Variants in OLFM3 observed in about 807,000 individuals in gnomAD.
OLFM3 encodes noelin-3.
OLFM3 carries 20 observed loss-of-function variants against 48.6 expected under a neutral mutation model. The ratio of observed to expected loss-of-function variants is 0.41; its 90% CI spans 0.29 to 0.60. The LOEUF (loss-of-function observed/expected upper bound fraction) is 0.60. Ranked by LOEUF, OLFM3 falls within the 20% of genes least tolerant of loss-of-function variation. The probability of loss-of-function intolerance (pLI) is 0.28; values close to 1 mark genes in which losing one functional copy is unlikely to be tolerated. For synonymous variants in OLFM3, 222 were observed against 198.1 expected, an observed-to-expected ratio of 1.12 and a Z score of -1.01; for missense variants, 437 against 544.3, an observed-to-expected ratio of 0.80 and a Z score of 1.96.
intron 1 of OLFM3, among the ~76,000 whole-genome samples, chr1:101,973,288 C>G (rs2101098968): frequency 6.6e-6 from 1 of 152,292 alleles, no homozygotes; most frequent in South Asian, 2.1e-4. Context: ...AGGCCAAAGG[C>G]CTGAGAACCA....
intron 1 of OLFM3, among the ~76,000 whole-genome samples, chr1:101,940,226 G>GA (rs955385012): frequency 6.6e-6 from 1 of 151,688 alleles, no homozygotes; most frequent in Non-Finnish European, 1.5e-5. Context: ...AAAAACTGAT[G>GA]AAAAAAAGTG....
At chr1:101,983,635 A>G (rs1661160234) in intron 1 of OLFM3, among the ~76,000 whole-genome samples, 1 of 152,104 alleles carries the variant, frequency 6.6e-6, no homozygotes. Flanking sequence ...ATAATTTAGA[A>G]CTCTGAGAAT....
chr1:101,813,143 T>G, intron 4 of OLFM3: 1 of 1,267,646 alleles, frequency 7.9e-7, no homozygotes, highest in South Asian at 1.3e-5. Flanking sequence ...CTTTTTTAAA[T>G]CAACTGGAAA....
chr1:101,878,536 G>T lies in OLFM3; in HGVS notation c.70-41511C>A, dbSNP rs188735979. Among the ~76,000 whole-genome samples the T allele has an allele frequency of 2.0e-5, 3 of 151,978 alleles. No homozygotes were observed. The South Asian group carries it at 6.2e-4, about 32-fold the overall frequency. On this transcript the variant is annotated intron_variant, in intron 1 of 5. Coordinates refer to ENST00000370103, the MANE Select transcript of OLFM3 (RefSeq NM_058170.4). ...TACTGATGCCATCTGTAGCACGGAG[G>T]CTCTAACACTGGCTTGAGATTAGTG...
At chr1:101,873,893 T>C (rs1415341554) in intron 1 of OLFM3, among the ~76,000 whole-genome samples, 1 of 151,984 alleles carries the variant, frequency 6.6e-6, no homozygotes, top group Non-Finnish European at 1.5e-5. Flanking sequence ...TTGACTTTTA[T>C]TGTTATTCTC....
chr1:101,912,807 T>C (rs544985014), intron 1 of OLFM3, among the ~76,000 whole-genome samples: 1 of 152,300 alleles, frequency 6.6e-6, no homozygotes, highest in South Asian at 2.1e-4. Context: ...AAAATACCTT[T>C]TGGAAAAATT....
At chr1:101,823,200 A>T (rs1192380856) in intron 4 of OLFM3, among the ~76,000 whole-genome samples, 1 of 152,052 alleles carries the variant, frequency 6.6e-6, no homozygotes, top group Non-Finnish European at 1.5e-5. Context: ...TCGGAAAAAA[A>T]GTCTAGCAAG....
At chr1:101,929,253 G>A (rs998512995) in intron 1 of OLFM3, among the ~76,000 whole-genome samples, 2 of 152,120 alleles carry the variant, frequency 1.3e-5, no homozygotes, top group African/African-American at 2.4e-5. Context: ...ACATTTGGAT[G>A]AGTAAAATCA....
chr1:101,806,312 A>G (rs749615653), intron 4 of OLFM3, 130 bp from the exon 5 acceptor site: 2 of 672,582 alleles, frequency 3.0e-6, no homozygotes, highest in Admixed American at 2.5e-5. Flanking sequence ...ACATTTCTGA[A>G]TAAATGATTA....
chr1:101,981,670 A>C (rs1273892289), intron 1 of OLFM3, among the ~76,000 whole-genome samples: 4 of 152,234 alleles, frequency 2.6e-5, no homozygotes, highest in Admixed American at 2.6e-4. Context: ...TTACATGTTC[A>C]AAATCAAACT....
At chr1:101,841,128 G>T (rs900744954) in intron 1 of OLFM3, among the ~76,000 whole-genome samples, 8 of 152,078 alleles carry the variant, frequency 5.3e-5, no homozygotes, top group African/African-American at 1.9e-4. Context: ...TAGTTCTAAG[G>T]CTTCAGGGGC....
At chr1:101,991,494 GC>G (rs560599105) in intron 1 of OLFM3, among the ~76,000 whole-genome samples, 10 of 151,732 alleles carry the variant, frequency 6.6e-5, no homozygotes, top group Non-Finnish European at 1.0e-4. Flanking sequence ...AAAAATAATT[GC>G]CAGTCTAAAA....
intron 1 of OLFM3, among the ~76,000 whole-genome samples, chr1:101,973,191 T>A (rs1331529381): frequency 6.6e-6 from 1 of 152,230 alleles, no homozygotes. Flanking sequence ...GCATGCCGTC[T>A]GCAGTGGAGA....
Position 101,806,474 on chromosome 1 carries a change from G to A in OLFM3, c.593-292C>T, listed in dbSNP as rs17125460. Among the ~76,000 whole-genome samples the A allele has an allele frequency of 5.7e-3, 867 of 151,816 alleles. 10 individuals carry two copies. Among genetic ancestry groups the A allele is most frequent in the African/African-American group, 0.02 (809 of 41,460 alleles). On this transcript the variant is annotated intron_variant, in intron 4 of 5. Coordinates refer to ENST00000370103, the MANE Select transcript of OLFM3 (RefSeq NM_058170.4). ...GAGGAATATCATTATCATTATACCA[G>A]TTCAGTGGCTGCTACTTTTAAGTAA...
Position 101,940,683 on chromosome 1 carries a change from T to C in OLFM3, c.69+56065A>G, listed in dbSNP as rs181950001. Among the ~76,000 whole-genome samples, 565 of 150,210 alleles carry C rather than the reference T, an allele frequency of 3.8e-3. 5 individuals carry two copies. Among genetic ancestry groups the C allele is most frequent in the African/African-American group, 0.013 (521 of 41,062 alleles). On this transcript the variant is annotated intron_variant, in intron 1 of 5. Coordinates refer to ENST00000370103, the MANE Select transcript of OLFM3 (RefSeq NM_058170.4). ...TCCCCAAACTGTAACTACCCAGCTA[T>C]ATATATATATCCAGTTTTATATATA...
At chr1:101,805,291 A>G (rs1653715442) in intron 5 of OLFM3, among the ~76,000 whole-genome samples, 1 of 151,812 alleles carries the variant, frequency 6.6e-6, no homozygotes, top group African/African-American at 2.4e-5. Context: ...AGCAAATTAC[A>G]TTTATTCTAT....
At chr1:101,885,980 A>G (rs1365304682) in intron 1 of OLFM3, among the ~76,000 whole-genome samples, 1 of 152,128 alleles carries the variant, frequency 6.6e-6, no homozygotes, top group Admixed American at 6.6e-5. Flanking sequence ...ACATGTATAG[A>G]TATTAGTGAC....
intron 1 of OLFM3, among the ~76,000 whole-genome samples, chr1:101,888,925 A>T (rs538248002): frequency 6.6e-6 from 1 of 152,376 alleles, no homozygotes; most frequent in Admixed American, 6.5e-5. Context: ...TGGCCATCAA[A>T]GAAATGCAAA....
chr1:101,991,024 T>TATATATATATAA (rs1661392963), intron 1 of OLFM3, among the ~76,000 whole-genome samples: 1 of 84,162 alleles, frequency 1.2e-5, no homozygotes, highest in Non-Finnish European at 2.4e-5. Flanking sequence ...AAAATATATA[T>TATATATATATAA]ATATATATAT....
Sources: allele counts gnomAD v4.1 joint callset (sites outside exome capture counted in the v4.1 genomes callset), GRCh38; gene constraint gnomAD v4.1.1; transcripts MANE v1.5; gene names NCBI Gene and HGNC (gene_info 2026-07-23, HGNC 2026-07-21).